The following FNDC3A variants were observed in gnomAD, a reference collection of about 807,000 sequenced individuals.
FNDC3A encodes the protein fibronectin type III domain containing 3A.
In FNDC3A, 32 loss-of-function variants were observed where a neutral mutation model predicts 148.9. The ratio of observed to expected loss-of-function variants is 0.21; its 90% CI spans 0.16 to 0.29. FNDC3A has a LOEUF of 0.29. FNDC3A is among the 10% of genes least tolerant of loss of function. The pLI, the probability that FNDC3A is intolerant of heterozygous loss-of-function variation, is 1.00. For synonymous variants in FNDC3A, 472 were observed against 473.6 expected (o/e 1.00, Z 0.04); for missense variants, 1,191 against 1,452.8 (o/e 0.82, Z 2.93).
chr13:49,053,865 C>T (rs1024499239), intron 2 of FNDC3A, among the ~76,000 whole-genome samples: 30 of 152,094 alleles, frequency 2.0e-4, no homozygotes, highest in Non-Finnish European at 4.0e-4. Context: ...ATGTAAATTT[C>T]CCCCACAACA....
At chr13:48,982,491 A>G (rs557822190) in intron 1 of FNDC3A, among the ~76,000 whole-genome samples, 4 of 152,146 alleles carry the variant, frequency 2.6e-5, no homozygotes, top group African/African-American at 4.8e-5. Context: ...TAATCACTTG[A>G]ACCTTACTAA....
At chr13:49,151,976 C>T (rs910483931) in intron 8 of FNDC3A, among the ~76,000 whole-genome samples, 4 of 152,184 alleles carry the variant, frequency 2.6e-5, no homozygotes, top group African/African-American at 9.7e-5. Context: ...TCCAGTCTAT[C>T]ATTGGTAGAC....
intron 2 of FNDC3A, among the ~76,000 whole-genome samples, chr13:49,033,587 G>A (rs1874283786): frequency 6.6e-6 from 1 of 152,002 alleles, no homozygotes; most frequent in African/African-American, 2.4e-5. Context: ...TGGAGAAGAA[G>A]CTGTTGAATC....
intron 2 of FNDC3A, among the ~76,000 whole-genome samples, chr13:49,048,541 G>C (rs1875590728): frequency 6.6e-6 from 1 of 151,996 alleles, no homozygotes; most frequent in East Asian, 1.9e-4. Flanking sequence ...CACCTCCTTG[G>C]TTAGGTATAC....
intron 1 of FNDC3A, among the ~76,000 whole-genome samples, chr13:48,978,712 A>T (rs1476389291): frequency 6.6e-6 from 1 of 151,828 alleles, no homozygotes; most frequent in Non-Finnish European, 1.5e-5. Flanking sequence ...CTTCAAATAA[A>T]CTCACAATAT....
At chr13:49,202,702 A>G (rs895591561) in intron 24 of FNDC3A, among the ~76,000 whole-genome samples, 4 of 152,200 alleles carry the variant, frequency 2.6e-5, no homozygotes, top group African/African-American at 9.7e-5. Flanking sequence ...TCTTAGCTTT[A>G]AGAAGAGTGC....
rs1886708262 is a variant in FNDC3A at position 49,207,513 on chromosome 13, A to G, written c.*118A>G. 1.5e-6 allele frequency: 1 copy of G among 658,428 alleles called. No individual in the cohort carries two copies. Among genetic ancestry groups the G allele is most frequent in the Non-Finnish European group, 2.5e-6 (1 of 393,334 alleles). The allele number at this position is 658,428 out of a possible 1,614,324, so 40.8% of individuals were successfully genotyped here. A position where few individuals can be genotyped will look rare whatever the true frequency, so the allele number is the denominator to read the frequency against. ...AGCACTGGCATTGAGACTATAGCAC[A>G]TCATTTTTGCCATTTTCAGTGCTTA... is the stretch of plus-strand genomic sequence containing the variant. On this transcript the variant is annotated 3_prime_UTR_variant, in exon 26 of 26. Transcript: ENST00000492622.
intron 3 of FNDC3A, among the ~76,000 whole-genome samples, chr13:49,083,023 A>C (rs965116204): frequency 1.4e-4 from 21 of 152,102 alleles, no homozygotes; most frequent in South Asian, 6.2e-4. Context: ...TAGAGTGAAG[A>C]GTCAGAGCCC....
At chr13:49,039,170 G>T (rs1874730468) in intron 2 of FNDC3A, among the ~76,000 whole-genome samples, 1 of 152,152 alleles carries the variant, frequency 6.6e-6, no homozygotes, top group South Asian at 2.1e-4. Flanking sequence ...CCAAGGAATT[G>T]TGTATTACCA....
chr13:49,136,299 T>G, intron 5 of FNDC3A, 33 bp from the exon 6 acceptor site: 1 of 1,560,616 alleles, frequency 6.4e-7, no homozygotes, highest in Non-Finnish European at 8.7e-7. Context: ...GAGAAAGTGA[T>G]CTTCTTAACA....
chr13:49,128,171 CA>C (rs1267570333), intron 4 of FNDC3A, among the ~76,000 whole-genome samples: 5 of 152,292 alleles, frequency 3.3e-5, no homozygotes, highest in Admixed American at 3.3e-4. Context: ...TGAGCCACTG[CA>C]CCTGGCTTCT....
intron 2 of FNDC3A, among the ~76,000 whole-genome samples, chr13:49,069,599 A>G (rs1163135284): frequency 9.2e-5 from 14 of 152,104 alleles, no homozygotes; most frequent in Non-Finnish European, 2.9e-5. Flanking sequence ...AATTTTACAT[A>G]CTCTAAAAAG....
chr13:49,027,853 A>G (rs1185507543), intron 2 of FNDC3A, among the ~76,000 whole-genome samples: 2 of 152,180 alleles, frequency 1.3e-5, no homozygotes, highest in Non-Finnish European at 2.9e-5. Flanking sequence ...GGCAAATCCT[A>G]CCTTATCATT....
chr13:49,018,617 C>T (rs1173398032), intron 2 of FNDC3A, among the ~76,000 whole-genome samples: 2 of 152,288 alleles, frequency 1.3e-5, no homozygotes, highest in East Asian at 1.9e-4. Flanking sequence ...AAGTCATTCT[C>T]TGTCCAGCTT....
chr13:49,150,859 C>T (rs1361642807), intron 8 of FNDC3A, among the ~76,000 whole-genome samples: 1 of 150,186 alleles, frequency 6.7e-6, no homozygotes, highest in Non-Finnish European at 1.5e-5. Flanking sequence ...GCAGGGGAAT[C>T]GCTTGAACCT....
chr13:49,167,317 A>G lies in FNDC3A; in HGVS notation c.1037+14A>G, dbSNP rs1884522709. 1.3e-6 allele frequency: 2 copies of G among 1,546,974 alleles called. No individual in the cohort carries two copies. Among genetic ancestry groups the G allele is most frequent in the Non-Finnish European group, 1.8e-6 (2 of 1,127,410 alleles). ...TTACCATGCAAAGTAAGGAATTCCT[A>G]CAGATTGCCTTTATAAGATACAGCA... On this transcript the variant is annotated intron_variant, in intron 9 of 25. Coordinates refer to ENST00000492622, the MANE Select transcript of FNDC3A (RefSeq NM_001079673.2).
At chr13:48,996,657 C>A (rs1952029379) in intron 1 of FNDC3A, among the ~76,000 whole-genome samples, 1 of 152,136 alleles carries the variant, frequency 6.6e-6, no homozygotes, top group African/African-American at 2.4e-5. Flanking sequence ...AATCAATCCC[C>A]TGTAGAAACC....
intron 1 of FNDC3A, among the ~76,000 whole-genome samples, chr13:48,996,215 T>C (rs1244154820): frequency 6.6e-6 from 1 of 152,198 alleles, no homozygotes. Context: ...TAGAAACAGT[T>C]ACATAATCTC....
At chr13:49,012,273 C>T (rs1194766742) in intron 2 of FNDC3A, among the ~76,000 whole-genome samples, 2 of 151,992 alleles carry the variant, frequency 1.3e-5, no homozygotes, top group Admixed American at 6.6e-5. Flanking sequence ...GCCACCATGC[C>T]CGGCTAATTT....
Sources: gnomAD v4.1 joint callset for allele counts (sites outside exome capture counted in the v4.1 genomes callset) on GRCh38, gnomAD v4.1.1 for gene constraint, MANE v1.5 for transcripts, NCBI Gene and HGNC (gene_info 2026-07-23, HGNC 2026-07-21) for gene names.